MYO10: variants seen among roughly 807,000 people sequenced by gnomAD.
MYO10 encodes the protein unconventional myosin-X.
MYO10 carries 133 observed loss-of-function variants against 257.3 expected under a neutral mutation model. The ratio of observed to expected loss-of-function variants is 0.52; its 90% CI spans 0.45 to 0.60. The LOEUF is 0.60. Ranked by LOEUF, MYO10 falls within the 20% of genes least tolerant of loss-of-function variation. The probability of loss-of-function intolerance (pLI) is 0.00; values close to 1 mark genes in which losing one functional copy is unlikely to be tolerated. For synonymous variants in MYO10, 1,104 were observed against 1,028.6 expected (o/e 1.07, Z -1.40); for missense variants, 2,399 against 2,635.7 (o/e 0.91, Z 1.97).
intron 32 of MYO10, among the ~76,000 whole-genome samples, chr5:16,680,314 A>G (rs954629810): frequency 6.6e-6 from 1 of 152,184 alleles, no homozygotes; most frequent in Non-Finnish European, 1.5e-5. Context: ...TACAGCTGAG[A>G]TGGGGAGATG....
intron 3 of MYO10, among the ~76,000 whole-genome samples, chr5:16,805,475 A>AAAAAAG (rs1560994082): frequency 7.1e-4 from 103 of 145,514 alleles, no homozygotes; most frequent in African/African-American, 4.8e-4. Context: ...AAAAAAAAAA[A>AAAAAAG]AAAAAGAAAA....
intron 30 of MYO10, among the ~76,000 whole-genome samples, chr5:16,683,261 ACTTTT>A (rs1737090525): frequency 6.6e-6 from 1 of 152,144 alleles, no homozygotes; most frequent in African/African-American, 2.4e-5. Context: ...TCCTAGAGAA[ACTTTT>A]CTTAAATTCT....
chr5:16,768,864 T>G (rs1364193497), intron 10 of MYO10, among the ~76,000 whole-genome samples: 1 of 151,748 alleles, frequency 6.6e-6, no homozygotes, highest in East Asian at 1.9e-4. Context: ...TTAGTAGAGA[T>G]GGGGTTTGGC....
At chr5:16,889,478 A>AGAAGGAAGGAAGGAAGGAAGGAAGGAAG in intron 1 of MYO10, among the ~76,000 whole-genome samples, 1 of 132,000 alleles carries the variant, frequency 7.6e-6, no homozygotes, top group Non-Finnish European at 1.6e-5. Flanking sequence ...AAGAAAAGAA[A>AGAAGGAAGGAAGGAAGGAAGGAAGGAAG]GAAGGAAGGA....
intron 2 of MYO10, among the ~76,000 whole-genome samples, chr5:16,849,554 G>A (rs753727503): frequency 1.3e-5 from 2 of 152,164 alleles, no homozygotes; most frequent in African/African-American, 2.4e-5. Context: ...ATGTTAATAT[G>A]TTACCAATAT....
intron 32 of MYO10, 77 bp from the exon 33 acceptor site, chr5:16,680,181 G>A: frequency 6.6e-7 from 1 of 1,503,852 alleles, no homozygotes; most frequent in South Asian, 1.3e-5. Context: ...TGTCCTCTCT[G>A]ACCTCAGTCC....
intron 3 of MYO10, among the ~76,000 whole-genome samples, chr5:16,800,235 G>A (rs141270109): frequency 1.2e-4 from 18 of 152,076 alleles, no homozygotes; most frequent in African/African-American, 4.3e-4. Flanking sequence ...AAAAAAATAT[G>A]GTCCCTCATT....
chr5:16,781,856 A>G (rs772152960), intron 5 of MYO10, 27 bp from the exon 6 acceptor site: 10 of 1,612,626 alleles, frequency 6.2e-6, no homozygotes, highest in African/African-American at 2.7e-5. Context: ...GGCAGCAGAC[A>G]GCATTAATAA....
Position 16,762,940 on chromosome 5 carries a change from G to A in MYO10, c.1495-303C>T, listed in dbSNP as rs184593192. Reference sequence around the variant, plus strand: ...GTCTGTGTCACTATACTCCAGCCTGGGCGACAGAGTGAGACTCCGTCTCAG... The same window carrying A: ...GTCTGTGTCACTATACTCCAGCCTGAGCGACAGAGTGAGACTCCGTCTCAG... On this transcript the variant is annotated intron_variant, in intron 14 of 40. Transcript: ENST00000513610. Among the ~76,000 whole-genome samples, 65 of 150,818 alleles carry A rather than the reference G, an allele frequency of 4.3e-4. No individual in the cohort carries two copies. The East Asian group carries it at 9.2e-3, about 21-fold the overall frequency.
At chr5:16,827,530 G>T (rs1020229826) in intron 2 of MYO10, among the ~76,000 whole-genome samples, 1 of 152,036 alleles carries the variant, frequency 6.6e-6, no homozygotes, top group Admixed American at 6.6e-5. Flanking sequence ...CAAGTGATCC[G>T]CCCACCCTGG....
In MYO10 at chr5:16,910,942, TCA is replaced by T. The variant is rs570115386; in HGVS notation, c.21+24844_21+24845del. ...AGTATGACATCTAGTCCTCCAAACCTCACAGCTCTTAAATAAAAAAAAAGACA... is the reference window on the plus strand; with the variant it reads ...AGTATGACATCTAGTCCTCCAAACCTCAGCTCTTAAATAAAAAAAAAGACA... On this transcript the variant is annotated intron_variant, in intron 1 of 40. Coordinates refer to ENST00000513610, the MANE Select transcript of MYO10 (RefSeq NM_012334.3). Among the ~76,000 whole-genome samples, 108 of 151,426 alleles carry T rather than the reference TCA, an allele frequency of 7.1e-4. 1 individual carries two copies. The highest frequency in any genetic ancestry group is 2.5e-3 in the African/African-American group (104 of 40,948).
In MYO10 at chr5:16,763,409, T is replaced by C. The variant is rs545316737; in HGVS notation, c.1494+72A>G. ...GATGTGCGTGTTCGTGCACGTTATT[T>C]TGTTCCCATAAATATGAATCAGTCC... On this transcript the variant is annotated intron_variant, in intron 14 of 40. Coordinates refer to ENST00000513610, the MANE Select transcript of MYO10 (RefSeq NM_012334.3). 791 of 1,197,072 alleles carry C rather than the reference T, an allele frequency of 6.6e-4. 3 individuals carry two copies. The South Asian group carries it at 6.9e-3, about 10-fold the overall frequency. 74.2% of individuals were successfully genotyped at this position (1,197,072 alleles called of 1,614,324 possible).
At chr5:16,917,279 A>C (rs1344415561) in intron 1 of MYO10, among the ~76,000 whole-genome samples, 1 of 152,218 alleles carries the variant, frequency 6.6e-6, no homozygotes, top group South Asian at 2.1e-4. Flanking sequence ...TAGAAAATGC[A>C]GCATATTAAA....
chr5:16,735,503 G>T (rs980011541), intron 19 of MYO10, among the ~76,000 whole-genome samples: 2 of 151,950 alleles, frequency 1.3e-5, no homozygotes, highest in African/African-American at 2.4e-5. Context: ...CCAGGAGTTC[G>T]AGATCAGCCT....
intron 3 of MYO10, among the ~76,000 whole-genome samples, chr5:16,814,303 G>A (rs1386967691): frequency 1.3e-5 from 2 of 151,824 alleles, no homozygotes; most frequent in African/African-American, 2.4e-5. Context: ...CACCACACCC[G>A]GCTAATTTTT....
intron 29 of MYO10, 150 bp downstream of exon 29, chr5:16,685,588 G>C: frequency 3.3e-6 from 2 of 609,660 alleles, no homozygotes; most frequent in Non-Finnish European, 5.8e-6. Context: ...AAACTCAAAT[G>C]GTCCTGTTTT....
At chr5:16,808,927 C>T (rs1445291319) in intron 3 of MYO10, among the ~76,000 whole-genome samples, 1 of 152,026 alleles carries the variant, frequency 6.6e-6, no homozygotes, top group Non-Finnish European at 1.5e-5. Context: ...GCCTCGGCCT[C>T]CCAAAGTGCT....
At chr5:16,786,880 AAT>A (rs1009756148) in intron 4 of MYO10, among the ~76,000 whole-genome samples, 11 of 73,272 alleles carry the variant, frequency 1.5e-4, no homozygotes, top group African/African-American at 2.6e-4. Flanking sequence ...TAAAAAAAAA[AAT>A]TTTTGGCCGG....
At position 16,877,711 on chromosome 5, in the gene MYO10, TAAACAAAAC is replaced by T; in HGVS notation, c.22-13_22-5del. 2 of 1,609,844 alleles carry T rather than the reference TAAACAAAAC, an allele frequency of 1.2e-6. No homozygotes were observed. The highest frequency in any genetic ancestry group is 1.7e-6 in the Non-Finnish European group (2 of 1,177,130). On this transcript the variant is annotated splice_region_variant and splice_polypyrimidine_tract_variant and intron_variant, in intron 1 of 40. Transcript: ENST00000513610. The stretch of plus-strand genomic sequence containing the variant: ...CTCTCAGCCAGACCCGTGTTCCCTG[TAAACAAAAC>T]AAACAAGACTGAACTGAGTTTGGAT...
Sources: gnomAD v4.1 joint callset for allele counts (sites outside exome capture counted in the v4.1 genomes callset) on GRCh38, gnomAD v4.1.1 for gene constraint, MANE v1.5 for transcripts, NCBI Gene and HGNC (gene_info 2026-07-23, HGNC 2026-07-21) for gene names.